Variants in PCDH15 observed in about 807,000 individuals in gnomAD.
The protein encoded by PCDH15 is protocadherin related 15.
A neutral mutation model predicts 178.5 loss-of-function variants in PCDH15; 129 were observed. That is an observed-to-expected ratio of 0.72 (90% CI 0.63 to 0.84). The LOEUF (loss-of-function observed/expected upper bound fraction) is 0.84. PCDH15 is among the 40% of genes least tolerant of loss of function. PCDH15 has a pLI of 0.00. For synonymous variants in PCDH15, 800 were observed against 732.0 expected, an observed-to-expected ratio of 1.09 and a Z score of -1.50; for missense variants, 2,230 against 2,099.9, an observed-to-expected ratio of 1.06 and a Z score of -1.21.
At chr10:55,387,341 T>C (rs1280823245) in intron 2 of PCDH15, among the ~76,000 whole-genome samples, 1 of 152,106 alleles carries the variant, frequency 6.6e-6, no homozygotes, top group African/African-American at 2.4e-5. Context: ...TATGGCCCAC[T>C]CTCACCAGCT....
At chr10:55,341,844 G>T (rs1204790727) in intron 2 of PCDH15, among the ~76,000 whole-genome samples, 1 of 114,842 alleles carries the variant, frequency 8.7e-6, no homozygotes, top group African/African-American at 3.3e-5. Context: ...TAGAGATGGG[G>T]TTTCACCATG....
In PCDH15 at chr10:53,924,762, T is replaced by C. The variant is rs548244381; in HGVS notation, c.3373+14053A>G. On this transcript the variant is annotated intron_variant, in intron 25 of 37. Transcript: ENST00000644397. The stretch of plus-strand genomic sequence containing the variant: ...CACCAATCAACACTCTGTATCTACC[T>C]AATCTGGTGGGGACTTGGAGAACCT... Among the ~76,000 whole-genome samples the C allele has an allele frequency of 1.8e-4, 28 of 152,300 alleles. No individual in the cohort carries two copies. The South Asian group carries it at 5.8e-3, about 32-fold the overall frequency.
intron 2 of PCDH15, among the ~76,000 whole-genome samples, chr10:55,615,678 G>A (rs1460126795): frequency 6.6e-6 from 1 of 151,794 alleles, no homozygotes; most frequent in African/African-American, 2.4e-5. Context: ...GATCAGCCTG[G>A]GCAACATAGT....
At chr10:55,517,800 T>C (rs1841056222) in intron 2 of PCDH15, among the ~76,000 whole-genome samples, 1 of 152,144 alleles carries the variant, frequency 6.6e-6, no homozygotes, top group Non-Finnish European at 1.5e-5. Flanking sequence ...TGGAGTACTA[T>C]TCAACAATAC....
intron 1 of PCDH15, among the ~76,000 whole-genome samples, chr10:55,307,395 C>A (rs896869339): frequency 7.9e-5 from 12 of 151,386 alleles, no homozygotes; most frequent in African/African-American, 2.7e-4. Context: ...CCCAGCTACT[C>A]GGGAGGCTGA....
chr10:55,001,814 GT>G (rs1159559122), intron 2 of PCDH15, among the ~76,000 whole-genome samples: 2 of 152,200 alleles, frequency 1.3e-5, no homozygotes, highest in African/African-American at 2.4e-5. Context: ...AGCCACAGAG[GT>G]TTCTGGCTGG....
intron 2 of PCDH15, chr10:55,599,869 T>C: frequency 7.1e-7 from 1 of 1,414,688 alleles, no homozygotes; most frequent in Non-Finnish European, 9.4e-7. Context: ...GGTAGCATAA[T>C]CACTTGTTCC....
chr10:54,280,979 G>T (rs901815126), intron 8 of PCDH15, among the ~76,000 whole-genome samples: 4 of 151,712 alleles, frequency 2.6e-5, no homozygotes, highest in African/African-American at 9.7e-5. Flanking sequence ...AAGGCAGTTT[G>T]TTTTCTAACT....
intron 2 of PCDH15, among the ~76,000 whole-genome samples, chr10:55,564,880 TA>T (rs1195279318): frequency 6.6e-6 from 1 of 151,574 alleles, no homozygotes; most frequent in African/African-American, 2.4e-5. Flanking sequence ...GAAGGAAAAA[TA>T]AATAGTTCTA....
chr10:54,617,755 CAAAAAA>C (rs71010398), intron 2 of PCDH15, among the ~76,000 whole-genome samples: 4,608 of 117,086 alleles, frequency 0.039, 85 homozygotes, highest in East Asian at 0.075. Context: ...TCTAAAAATA[CAAAAAA>C]AAAAAAAAAA....
intron 2 of PCDH15, among the ~76,000 whole-genome samples, chr10:54,534,359 T>A (rs1287269119): frequency 6.6e-6 from 1 of 152,112 alleles, no homozygotes; most frequent in Non-Finnish European, 1.5e-5. Context: ...AAAATTTGCT[T>A]GAATTCCTAT....
intron 2 of PCDH15, among the ~76,000 whole-genome samples, chr10:54,659,877 G>T (rs1416994309): frequency 2.0e-5 from 3 of 151,820 alleles, no homozygotes; most frequent in Non-Finnish European, 2.9e-5. Context: ...ATAAGAAAAA[G>T]TTGAAATAAA....
chr10:54,644,226 A>C (rs1309642041), intron 2 of PCDH15, among the ~76,000 whole-genome samples: 1 of 151,140 alleles, frequency 6.6e-6, no homozygotes, highest in African/African-American at 2.4e-5. Flanking sequence ...ACTTTTATAT[A>C]GTCAACAAAT....
At chr10:54,689,230 A>T (rs545356357) in intron 1 of PCDH15, among the ~76,000 whole-genome samples, 1 of 152,256 alleles carries the variant, frequency 6.6e-6, no homozygotes, top group East Asian at 1.9e-4. Context: ...GTAATTTTTA[A>T]AGTTTATGAG....
chr10:54,439,165 A>G (rs186815166), intron 3 of PCDH15, among the ~76,000 whole-genome samples: 2 of 152,142 alleles, frequency 1.3e-5, no homozygotes, highest in Admixed American at 1.3e-4. Flanking sequence ...GAAAATAGGA[A>G]TTTTAAAGCT....
chr10:54,498,729 A>C (rs2080360332), intron 3 of PCDH15, among the ~76,000 whole-genome samples: 1 of 152,204 alleles, frequency 6.6e-6, no homozygotes, highest in African/African-American at 2.4e-5. Flanking sequence ...TCAATTCAGC[A>C]AGAAGACTTA....
chr10:55,300,224 C>T (rs778513969), intron 1 of PCDH15, among the ~76,000 whole-genome samples: 4 of 152,110 alleles, frequency 2.6e-5, no homozygotes, highest in Non-Finnish European at 4.4e-5. Context: ...ACCTACTATT[C>T]TACAGTGATA....
chr10:55,519,093 C>CAAAAAAA (rs33942260), intron 2 of PCDH15, among the ~76,000 whole-genome samples: 6 of 66,190 alleles, frequency 9.1e-5, no homozygotes, highest in Non-Finnish European at 1.3e-4. Context: ...GATTTCGTCT[C>CAAAAAAA]AAAAAAAAAA....
intron 26 of PCDH15, among the ~76,000 whole-genome samples, chr10:53,880,066 A>T (rs1311915910): frequency 6.6e-6 from 1 of 152,218 alleles, no homozygotes; most frequent in Non-Finnish European, 1.5e-5. Context: ...TCTTCATGTA[A>T]AACAAATATT....
Sources: gnomAD v4.1 joint callset for allele counts (sites outside exome capture counted in the v4.1 genomes callset) on GRCh38, gnomAD v4.1.1 for gene constraint, MANE v1.5 for transcripts, NCBI Gene and HGNC (gene_info 2026-07-23, HGNC 2026-07-21) for gene names.